Variants in GATAD2B observed in about 807,000 individuals in gnomAD.
The protein encoded by GATAD2B is transcriptional repressor p66-beta.
A neutral mutation model predicts 64.3 loss-of-function variants in GATAD2B; 8 were observed. The ratio of observed to expected loss-of-function variants is 0.12; its 90% CI spans 0.07 to 0.22. GATAD2B has a LOEUF of 0.22. Among genes scored for constraint, GATAD2B ranks in the 10% least tolerant of loss-of-function variants. The pLI is 1.00. For synonymous variants in GATAD2B, 281 were observed against 271.3 expected (o/e 1.04, Z -0.35); for missense variants, 453 against 752.0 (o/e 0.60, Z 4.65).
chr1:153,864,914 C>CA (rs1396983263), intron 1 of GATAD2B, among the ~76,000 whole-genome samples: 3 of 151,316 alleles, frequency 2.0e-5, no homozygotes, highest in South Asian at 2.1e-4. Flanking sequence ...ACTAAAAACA[C>CA]AAAAAATCAG....
rs68135109 is a variant in GATAD2B, at chr1:153,866,202, CAAAA to C, written c.-1-37858_-1-37855del. ...CTGGCAACAGAGTGACACTAGGTCT[CAAAA>C]AAAAAAAAAAAAAAAAAAATTCATA... is the stretch of plus-strand genomic sequence containing the variant. On this transcript the variant is annotated intron_variant, in intron 1 of 10. Transcript: ENST00000368655. 2.1e-3 allele frequency among the ~76,000 whole-genome samples: 209 copies of C among 99,738 alleles called. 1 individual carries two copies. Among genetic ancestry groups the C allele is most frequent in the Admixed American group, 4.0e-3 (37 of 9,136 alleles). 65.4% of individuals were successfully genotyped at this position (99,738 alleles called of 152,430 possible). A position where few individuals can be genotyped will look rare whatever the true frequency, so the allele number is the denominator to read the frequency against.
At position 153,815,280 on chromosome 1, in the gene GATAD2B, C is replaced by CAAAAA. The variant is rs1159204191; in HGVS notation, c.1216+988_1216+992dup. Among the ~76,000 whole-genome samples, 50 of 66,612 alleles carry CAAAAA rather than the reference C, an allele frequency of 7.5e-4. 3 individuals carry two copies. Among genetic ancestry groups the CAAAAA allele is most frequent in the South Asian group, 1.1e-3 (2 of 1,856 alleles). The allele number at this position is 66,612 out of a possible 152,430, so 43.7% of individuals were successfully genotyped here. ...AGGGTCAGACCCTGTCTCAAAAAAA[C>CAAAAA]AAAAAAAAAAAACAAAAAAAAAAAA... is the stretch of plus-strand genomic sequence containing the variant. On this transcript the variant is annotated intron_variant, in intron 7 of 10. Coordinates refer to ENST00000368655, the MANE Select transcript of GATAD2B (RefSeq NM_020699.4).
chr1:153,892,404 T>C (rs1018788079), intron 1 of GATAD2B, among the ~76,000 whole-genome samples: 1 of 151,980 alleles, frequency 6.6e-6, no homozygotes, highest in Non-Finnish European at 1.5e-5. Flanking sequence ...TTCCCTCCTA[T>C]TGAATCCAAG....
In GATAD2B at chr1:153,824,396, A is replaced by G. The variant is rs1570934640; in HGVS notation, c.335+3617T>C. ...CATAATCCCGGCACTTTGGGAGGCC[A>G]AGGCGGGTGAATCACAAGGTCAGCA... On this transcript the variant is annotated intron_variant, in intron 2 of 10. Transcript: ENST00000368655. Among the ~76,000 whole-genome samples, 4 of 152,280 alleles carry G rather than the reference A, an allele frequency of 2.6e-5. No individual in the cohort carries two copies. The Middle Eastern group carries it at 0.01, about 388-fold the overall frequency.
At chr1:153,810,430 G>C (rs1674255345) in intron 10 of GATAD2B, 120 bp from the exon 11 acceptor site, 1 of 919,894 alleles carries the variant, frequency 1.1e-6, no homozygotes, top group Non-Finnish European at 1.7e-6. Flanking sequence ...CCAGTATCTG[G>C]TCACACTTGG....
intron 7 of GATAD2B, among the ~76,000 whole-genome samples, chr1:153,815,280 C>CAAAACAAAAAAAAA (rs1674428829): frequency 3.0e-5 from 2 of 66,620 alleles, no homozygotes; most frequent in African/African-American, 6.4e-5. Context: ...CTCAAAAAAA[C>CAAAACAAAAAAAAA]AAAAAAAAAA....
At chr1:153,880,062 A>G (rs1676961669) in intron 1 of GATAD2B, among the ~76,000 whole-genome samples, 1 of 152,156 alleles carries the variant, frequency 6.6e-6, no homozygotes, top group Admixed American at 6.6e-5. Flanking sequence ...GGAGTCTCGA[A>G]TGAGTAGTTA....
At chr1:153,815,286 A>C (rs1674433283) in intron 7 of GATAD2B, among the ~76,000 whole-genome samples, 2 of 145,540 alleles carry the variant, frequency 1.4e-5, no homozygotes, top group Admixed American at 6.8e-5. Flanking sequence ...AAAACAAAAA[A>C]AAAAAACAAA....
chr1:153,824,307 A>G (rs1674790804), intron 2 of GATAD2B, among the ~76,000 whole-genome samples: 1 of 152,148 alleles, frequency 6.6e-6, no homozygotes, highest in South Asian at 2.1e-4. Flanking sequence ...GATTTTTAAA[A>G]ATCACCCCAA....
chr1:153,817,967 C>T, intron 5 of GATAD2B, 73 bp downstream of exon 5: 1 of 1,371,874 alleles, frequency 7.3e-7, no homozygotes, highest in African/African-American at 1.5e-5. Context: ...CTATAATCTT[C>T]ACAAAAGCCC....
chr1:153,815,108 A>AAAAAAAAC (rs1674417782), intron 7 of GATAD2B, among the ~76,000 whole-genome samples: 2 of 144,866 alleles, frequency 1.4e-5, no homozygotes, highest in South Asian at 2.2e-4. Context: ...AAAAAAAAAA[A>AAAAAAAAC]AAAACCAACA....
intron 1 of GATAD2B, among the ~76,000 whole-genome samples, chr1:153,833,235 A>AT (rs1454697848): frequency 6.6e-6 from 1 of 152,130 alleles, no homozygotes; most frequent in African/African-American, 2.4e-5. Flanking sequence ...AAAGGTAAGA[A>AT]TTAGGCTAAA....
chr1:153,848,662 T>C (rs1675772975), intron 1 of GATAD2B, among the ~76,000 whole-genome samples: 1 of 152,104 alleles, frequency 6.6e-6, no homozygotes, highest in Non-Finnish European at 1.5e-5. Flanking sequence ...ATTTGGGTGT[T>C]GTCTTAGTCC....
At chr1:153,873,059 C>G (rs7528635) in intron 1 of GATAD2B, among the ~76,000 whole-genome samples, 147,468 of 152,116 alleles carry the variant, frequency 0.97, 71,653 homozygotes, top group East Asian at 1. Context: ...TCAGGGTTAC[C>G]CTAACGTTTT....
chr1:153,815,303 A>G (rs1271252934), intron 7 of GATAD2B, among the ~76,000 whole-genome samples: 1 of 148,926 alleles, frequency 6.7e-6, no homozygotes, highest in African/African-American at 2.5e-5. Context: ...CAAAAAAAAA[A>G]AAAAGAAAAG....
rs190046594 is a variant in GATAD2B at position 153,885,052 on chromosome 1, C to T, written c.-2+37681G>A. Among the ~76,000 whole-genome samples, 14 of 152,154 alleles carry T rather than the reference C, an allele frequency of 9.2e-5. No individual in the cohort carries two copies. The East Asian group carries it at 1.4e-3, about 15-fold the overall frequency. On this transcript the variant is annotated intron_variant, in intron 1 of 10. Coordinates refer to ENST00000368655, the MANE Select transcript of GATAD2B (RefSeq NM_020699.4). ...GATTACAGGTGTGAGCCAATGTGCC[C>T]GGCCCTGTTCTCCATCTTCTGGATA...
rs1674475632 is a variant in GATAD2B, at chr1:153,816,166, AAGG to A, written c.1216+104_1216+106del. 6.9e-6 allele frequency: 5 copies of A among 723,574 alleles called. No homozygotes were observed. The highest frequency in any genetic ancestry group is 5.3e-5 in the African/African-American group (3 of 56,532). 44.8% of individuals were successfully genotyped at this position (723,574 alleles called of 1,614,324 possible). A position where few individuals can be genotyped will look rare whatever the true frequency, so the allele number is the denominator to read the frequency against. ...GGGAGGGAGGTGGTTTGGTAACAGG[AAGG>A]AGAAGTTATTTAATATTGTACAGTA... On this transcript the variant is annotated intron_variant, in intron 7 of 10. Coordinates refer to ENST00000368655, the MANE Select transcript of GATAD2B (RefSeq NM_020699.4). The surrounding 1 kb of genome is among the most constrained non-coding windows in gnomAD (Gnocchi z 4.9).
chr1:153,898,004 CAA>C (rs60650122), intron 1 of GATAD2B, among the ~76,000 whole-genome samples: 7 of 131,386 alleles, frequency 5.3e-5, no homozygotes, highest in Non-Finnish European at 6.5e-5. Context: ...AAAAAAAAAA[CAA>C]AAAAAAAAAA....
At chr1:153,835,028 G>A (rs1478078671) in intron 1 of GATAD2B, among the ~76,000 whole-genome samples, 4 of 151,952 alleles carry the variant, frequency 2.6e-5, no homozygotes, top group Non-Finnish European at 4.4e-5. Context: ...TGAGGGGATC[G>A]CATGAGCCCA....
Sources: gnomAD v4.1 joint callset for allele counts (sites outside exome capture counted in the v4.1 genomes callset) on GRCh38, gnomAD v4.1.1 for gene constraint, Gnocchi (gnomAD v3.1) non-coding constraint, MANE v1.5 for transcripts, NCBI Gene and HGNC (gene_info 2026-07-23, HGNC 2026-07-21) for gene names.